COL1A1: variants seen among roughly 807,000 people sequenced by gnomAD.
The protein encoded by COL1A1 is collagen alpha-1(I) chain.
In COL1A1, 21 loss-of-function variants were observed where a neutral mutation model predicts 195.7. The observed-to-expected ratio is 0.11, with a 90% CI of 0.08 to 0.15. COL1A1 has a LOEUF of 0.15. COL1A1 is among the 10% of genes least tolerant of loss of function. The pLI, the probability that COL1A1 is intolerant of heterozygous loss-of-function variation, is 1.00. For missense variants in COL1A1, 1,365 were observed against 2,051.0 expected (o/e 0.67, Z 6.46); for synonymous variants, 749 against 747.3 (o/e 1.00, Z -0.04).
intron 6 of COL1A1, 80 bp downstream of exon 6, chr17:50,198,353 G>A (rs1907782134): frequency 1.9e-6 from 3 of 1,559,386 alleles, no homozygotes; most frequent in Middle Eastern, 1.9e-4. Flanking sequence ...CTCCCAAGCT[G>A]TCTATACCAG....
Position 50,199,804 on chromosome 17 carries a change from C to T in COL1A1, c.247G>A (p.Gly83Ser), listed in dbSNP as rs763855013. The T allele has an allele frequency of 1.9e-5, 31 of 1,613,910 alleles. No individual in the cohort carries two copies. Among genetic ancestry groups the T allele is most frequent in the Admixed American group, 3.3e-5 (2 of 60,008 alleles). ...CACTCGCCCTCGGGGACTTCGGCGC[C>T]GGGGCAGTTCTTGGTCTCGTCACAG... ...VICDETKNCP[G>S]AEVPEGECCP... The change falls in exon 2 of 51, where the codon GGC (glycine) becomes AGC (serine). Residue 83 changes from glycine (G) to serine (S), a missense_variant. Physicochemically the swap from Gly to Ser is moderately conservative, Grantham distance 56 (BLOSUM62 0). This residue lies in a region of COL1A1 where 194 missense variants were observed against 221.7 expected (regional missense o/e 0.88). Coordinates refer to ENST00000225964, the MANE Select transcript of COL1A1 (RefSeq NM_000088.4).
rs1201657090 is a variant in COL1A1, at chr17:50,184,193, T to C, written c.*1309A>G. 8.8e-6 allele frequency: 2 copies of C among 227,440 alleles called. No homozygotes were observed. The highest frequency in any genetic ancestry group is 4.4e-5 in the African/African-American group (2 of 44,988). The allele number at this position is 227,440 out of a possible 1,614,324, so 14.1% of individuals were successfully genotyped here. ...ACATACAAAATAGGTACAGAGTCTT[T>C]TGCTTCCTCCCACCCCTAGGGGGAA... On this transcript the variant is annotated 3_prime_UTR_variant, in exon 51 of 51. Transcript: ENST00000225964.
chr17:50,197,745 T>C lies in COL1A1; in HGVS notation c.683A>G (p.Lys228Arg). Residue 228 changes from lysine (K) to arginine (R), a missense_variant, in exon 9 of 51, where the codon AAG (lysine) becomes AGG (arginine). Lys to Arg is a conservative substitution (Grantham distance 26). This residue lies in a region of COL1A1 where 226 missense variants were observed against 372.9 expected (regional missense o/e 0.61). Coordinates refer to ENST00000225964, the MANE Select transcript of COL1A1 (RefSeq NM_000088.4). ...GGGGATACTTACATCATCTCCATTCTTTCCAGGGGGACCTGGGGGACCTCG... is the reference window on the plus strand; with the variant it reads ...GGGGATACTTACATCATCTCCATTCCTTCCAGGGGGACCTGGGGGACCTCG... ...GPRGPPGPPG[K>R]NGDDGEAGKP... 6.3e-7 allele frequency: 1 copy of C among 1,596,924 alleles called. No homozygotes were observed. Among genetic ancestry groups the C allele is most frequent in the Middle Eastern group, 1.7e-4 (1 of 5,860 alleles).
Position 50,190,250 on chromosome 17 carries a change from G to T in COL1A1, c.2451+77C>A. On this transcript the variant is annotated intron_variant, in intron 35 of 50. Coordinates refer to ENST00000225964, the MANE Select transcript of COL1A1 (RefSeq NM_000088.4). The surrounding 1 kb of genome is among the most constrained non-coding windows in gnomAD (Gnocchi z 4.7). ...CCCTTCTCCCCTGAGGATGGCTGAC[G>T]CCTTTGTCCTCATTCCGTCCCTCGA... is the stretch of plus-strand genomic sequence containing the variant. 1.5e-6 allele frequency: 2 copies of T among 1,290,646 alleles called. No individual in the cohort carries two copies. Among genetic ancestry groups the T allele is most frequent in the Non-Finnish European group, 2.3e-6 (2 of 885,172 alleles). 79.9% of individuals were successfully genotyped at this position (1,290,646 alleles called of 1,614,324 possible). A position where few individuals can be genotyped will look rare whatever the true frequency, so the allele number is the denominator to read the frequency against.
Position 50,189,119 on chromosome 17 carries a change from T to C in COL1A1, c.2937+49A>G. The C allele has an allele frequency of 6.2e-7, 1 of 1,600,204 alleles. No homozygotes were observed. The highest frequency in any genetic ancestry group is 8.6e-7 in the Non-Finnish European group (1 of 1,167,980). On this transcript the variant is annotated intron_variant, in intron 40 of 50. Coordinates refer to ENST00000225964, the MANE Select transcript of COL1A1 (RefSeq NM_000088.4). This position sits in a 1 kb window ranked among gnomAD's most constrained non-coding sequence, Gnocchi z 5.5. ...CTCCTTGGCTCCGCCCCACTCCAAG[T>C]CCTGTGATGGTTTTTCTCAGGGCCC... is the stretch of plus-strand genomic sequence containing the variant.
rs1182914333 is a variant in COL1A1, at chr17:50,190,631, C to T, written c.2344-35G>A. ...AGGGACAAGAGGCTCAGGGTCAGGG[C>T]CTCCCCTGAATACTCCTAGTAGATG... On this transcript the variant is annotated intron_variant, in intron 33 of 50. Transcript: ENST00000225964. The surrounding 1 kb of genome is among the most constrained non-coding windows in gnomAD (Gnocchi z 4.7). The T allele has an allele frequency of 1.2e-6, 2 of 1,609,136 alleles. No individual in the cohort carries two copies. The highest frequency in any genetic ancestry group is 1.3e-5 in the African/African-American group (1 of 74,892).
At position 50,186,093 on chromosome 17, in the gene COL1A1, C is replaced by A; in HGVS notation, c.4006-73G>T. On this transcript the variant is annotated intron_variant, in intron 49 of 50. Transcript: ENST00000225964. This position sits in a 1 kb window ranked among gnomAD's most constrained non-coding sequence, Gnocchi z 5.3. The stretch of plus-strand genomic sequence containing the variant: ...TCTAGTCCTGCCTGGCCTCCCTGTC[C>A]AGGGTCCTCAGAGAGCTGCCCAATG... The A allele has an allele frequency of 1.9e-6, 3 of 1,595,598 alleles. No homozygotes were observed. Among genetic ancestry groups the A allele is most frequent in the Non-Finnish European group, 2.6e-6 (3 of 1,176,352 alleles).
chr17:50,191,669 T>C (rs1323076012), intron 31 of COL1A1, 119 bp downstream of exon 31: 3 of 1,251,680 alleles, frequency 2.4e-6, no homozygotes, highest in Non-Finnish European at 3.4e-6. Context: ...CCTGGTCTTT[T>C]CCCCCCACCC....
chr17:50,190,807 G>A lies in COL1A1; in HGVS notation c.2343+10C>T, dbSNP rs778235832. ...TGTTAGGGCAGAAGGTGGGGAGGCG[G>A]CCACCTCACCTTGTCACCAGGGGCA... On this transcript the variant is annotated intron_variant, in intron 33 of 50. Transcript: ENST00000225964. The surrounding 1 kb of genome is among the most constrained non-coding windows in gnomAD (Gnocchi z 4.7). 6.2e-7 allele frequency: 1 copy of A among 1,605,902 alleles called. No individual in the cohort carries two copies. Among genetic ancestry groups the A allele is most frequent in the East Asian group, 2.2e-5 (1 of 44,760 alleles).
chr17:50,191,700 T>C, intron 31 of COL1A1, 88 bp downstream of exon 31: 2 of 1,429,826 alleles, frequency 1.4e-6, no homozygotes, highest in South Asian at 1.2e-5. Context: ...CTCCATGGCT[T>C]TGGTCATGGC....
chr17:50,196,424 G>A (rs1907596923), intron 13 of COL1A1, 57 bp from the exon 14 acceptor site: 2 of 1,613,672 alleles, frequency 1.2e-6, no homozygotes, highest in Middle Eastern at 1.6e-4. Context: ...GTTCCCCCAG[G>A]CCTCCATCTT....
chr17:50,184,760 C>T lies in COL1A1; in HGVS notation c.*742G>A, dbSNP rs1342972976. On this transcript the variant is annotated 3_prime_UTR_variant, in exon 51 of 51. Transcript: ENST00000225964. The stretch of plus-strand genomic sequence containing the variant: ...CAAGGAACAGAACAGTCTCTCCCGC[C>T]CAGCCCTGCGGCACAAGGGATTGAC... 4.3e-6 allele frequency: 1 copy of T among 232,504 alleles called. No individual in the cohort carries two copies. The highest frequency in any genetic ancestry group is 5.6e-5 in the Admixed American group (1 of 17,766). 14.4% of individuals were successfully genotyped at this position (232,504 alleles called of 1,614,324 possible).
intron 31 of COL1A1, 124 bp from the exon 32 acceptor site, chr17:50,191,614 G>A (rs552851442): frequency 8.7e-7 from 1 of 1,144,544 alleles, no homozygotes; most frequent in East Asian, 2.5e-5. Context: ...GAGAAAAGAT[G>A]AAAAGACTCA....
In COL1A1 at chr17:50,190,511, G is replaced by A. The variant is rs1469375841; in HGVS notation, c.2397+32C>T. The A allele has an allele frequency of 1.9e-6, 3 of 1,612,910 alleles. No homozygotes were observed. The highest frequency in any genetic ancestry group is 2.5e-6 in the Non-Finnish European group (3 of 1,179,282). ...CTGTGTGAAGGGAGGGAAGGGCCAA[G>A]TATGGGGTCTTAACAGGTCTTCTGT... On this transcript the variant is annotated intron_variant, in intron 34 of 50. Transcript: ENST00000225964. This position sits in a 1 kb window ranked among gnomAD's most constrained non-coding sequence, Gnocchi z 4.7.
At chr17:50,196,263 G>A in intron 14 of COL1A1, 51 bp downstream of exon 14, 3 of 1,611,324 alleles carry the variant, frequency 1.9e-6, no homozygotes, top group Non-Finnish European at 2.5e-6. Context: ...AGAGTTCCTG[G>A]GGAGCCCCTT....
At position 50,196,185 on chromosome 17, in the gene COL1A1, A is replaced by G. The variant is rs565335839; in HGVS notation, c.972T>C (p.Asn324=). 35 of 1,613,978 alleles carry G rather than the reference A, an allele frequency of 2.2e-5. No homozygotes were observed. In the South Asian group the frequency reaches 3.8e-4, roughly 18 times the overall value. The change falls in exon 15 of 51, where the codon AAT becomes AAC. Residue 324 remains asparagine, a synonymous_variant. Transcript: ENST00000225964. ...GCCCGGCAGCACCAGTAGCACCATC[A>G]TTTCCACGAGCACCCTGCAGGAGAG... ...GAPGPAGARG[N]DGATGAAGPP...
intron 1 of COL1A1, chr17:50,200,295 T>G: frequency 2.4e-5 from 9 of 373,408 alleles, no homozygotes; most frequent in Non-Finnish European, 4.1e-5. Flanking sequence ...AGGGGCCCCA[T>G]CGGGAGGGCA....
In COL1A1 at chr17:50,190,235, C is replaced by G. The variant is rs1906958254; in HGVS notation, c.2451+92G>C. On this transcript the variant is annotated intron_variant, in intron 35 of 50. Coordinates refer to ENST00000225964, the MANE Select transcript of COL1A1 (RefSeq NM_000088.4). The surrounding 1 kb of genome is among the most constrained non-coding windows in gnomAD (Gnocchi z 4.7). ...ACAATCCCGTCTCCACCCTTCTCCC[C>G]TGAGGATGGCTGACGCCTTTGTCCT... 7.9e-7 allele frequency: 1 copy of G among 1,267,054 alleles called. No individual in the cohort carries two copies. 78.5% of individuals were successfully genotyped at this position (1,267,054 alleles called of 1,614,324 possible).
In COL1A1 at chr17:50,190,459, G is replaced by T. The variant is rs761289821; in HGVS notation, c.2398-79C>A. The T allele has an allele frequency of 1.9e-6, 3 of 1,584,126 alleles. No homozygotes were observed. The highest frequency in any genetic ancestry group is 1.7e-6 in the Non-Finnish European group (2 of 1,152,720). Reference sequence around the variant, plus strand: ...GATGCGGTGAGGGGAGAGGCAAGGGGTGAAGGCACAGACAGGGCCAGGGGT... The same window carrying T: ...GATGCGGTGAGGGGAGAGGCAAGGGTTGAAGGCACAGACAGGGCCAGGGGT... On this transcript the variant is annotated intron_variant, in intron 34 of 50. Coordinates refer to ENST00000225964, the MANE Select transcript of COL1A1 (RefSeq NM_000088.4). This position sits in a 1 kb window ranked among gnomAD's most constrained non-coding sequence, Gnocchi z 4.7.
Sources: allele counts gnomAD v4.1 joint callset, GRCh38; gene constraint gnomAD v4.1.1; regional missense constraint gnomAD v4.1.1; non-coding constraint Gnocchi (gnomAD v3.1); transcripts MANE v1.5; gene names NCBI Gene and HGNC (gene_info 2026-07-23, HGNC 2026-07-21).